Variants in DPP10 observed in about 807,000 individuals in gnomAD.
DPP10 encodes the protein dipeptidyl peptidase like 10, also known as inactive dipeptidyl peptidase 10.
A neutral mutation model predicts 120.9 loss-of-function variants in DPP10; 33 were observed. That is an observed-to-expected ratio of 0.27 (90% CI 0.21 to 0.37). DPP10 has a LOEUF of 0.37. Ranked by LOEUF, DPP10 falls within the 10% of genes least tolerant of loss-of-function variation. The pLI, the probability that DPP10 is intolerant of heterozygous loss-of-function variation, is 1.00. For missense variants in DPP10, 816 were observed against 942.8 expected, an observed-to-expected ratio of 0.87 and a Z score of 1.76; for synonymous variants, 337 against 326.1, an observed-to-expected ratio of 1.03 and a Z score of -0.36.
At chr2:115,443,884 A>G (rs2072314973) in intron 3 of DPP10, among the ~76,000 whole-genome samples, 1 of 152,190 alleles carries the variant, frequency 6.6e-6, no homozygotes, top group African/African-American at 2.4e-5. Flanking sequence ...TGTTTCGTGC[A>G]TTGCAGTTTG....
chr2:114,704,527 TATCTC>T (rs1171227012), intron 1 of DPP10, among the ~76,000 whole-genome samples: 1 of 152,212 alleles, frequency 6.6e-6, no homozygotes, highest in Non-Finnish European at 1.5e-5. Flanking sequence ...AGTTAATAGT[TATCTC>T]AAAAGAGGAT....
intron 3 of DPP10, among the ~76,000 whole-genome samples, chr2:115,375,289 C>T (rs780399491): frequency 6.6e-6 from 1 of 152,160 alleles, no homozygotes; most frequent in Non-Finnish European, 1.5e-5. Context: ...TCACAGATCC[C>T]TAGAGCATAG....
At chr2:115,816,968 G>T (rs1575874085) in intron 21 of DPP10, among the ~76,000 whole-genome samples, 1 of 146,994 alleles carries the variant, frequency 6.8e-6, no homozygotes. Flanking sequence ...AGGTAAAAAG[G>T]CCAGGCGCGG....
chr2:115,155,933 T>C (rs909085537), intron 1 of DPP10, among the ~76,000 whole-genome samples: 1 of 152,184 alleles, frequency 6.6e-6, no homozygotes, highest in Admixed American at 6.5e-5. Flanking sequence ...CTTCCTCTTC[T>C]TTCTCTTTCT....
At chr2:115,628,698 G>C (rs2085574630) in intron 5 of DPP10, among the ~76,000 whole-genome samples, 1 of 151,994 alleles carries the variant, frequency 6.6e-6, no homozygotes, top group Non-Finnish European at 1.5e-5. Context: ...TTTTGTATAA[G>C]GTGTAAGGAG....
chr2:115,437,877 T>A (rs72840798), intron 3 of DPP10, among the ~76,000 whole-genome samples: 1 of 152,236 alleles, frequency 6.6e-6, no homozygotes, highest in Non-Finnish European at 1.5e-5. Context: ...ATTCAAACAA[T>A]ATAATTTCTT....
At chr2:115,367,503 A>G (rs890809662) in intron 3 of DPP10, among the ~76,000 whole-genome samples, 12 of 152,030 alleles carry the variant, frequency 7.9e-5, no homozygotes, top group East Asian at 1.9e-4. Flanking sequence ...CACAATTTTA[A>G]TATTAACTAT....
At chr2:115,280,247 TA>T (rs2060103360) in intron 1 of DPP10, among the ~76,000 whole-genome samples, 1 of 152,174 alleles carries the variant, frequency 6.6e-6, no homozygotes. Context: ...GACAAAGTCT[TA>T]AGATCTATGT....
intron 1 of DPP10, among the ~76,000 whole-genome samples, chr2:115,279,637 C>CTTTCTTTT: frequency 1.5e-5 from 1 of 66,502 alleles, no homozygotes; most frequent in Non-Finnish European, 3.3e-5. Context: ...TTCTTTCTTT[C>CTTTCTTTT]TTTCTTTTTT....
In DPP10 at chr2:114,929,778, A is replaced by G. The variant is rs1013170413; in HGVS notation, c.61-379461A>G. On this transcript the variant is annotated intron_variant, in intron 1 of 25. Transcript: ENST00000410059. ...ACGAAGATGATGGGATTAAGAGATTAAAGTAAAGACAGCCATAGGAAATTA... is the reference window on the plus strand; with the variant it reads ...ACGAAGATGATGGGATTAAGAGATTGAAGTAAAGACAGCCATAGGAAATTA... 3.3e-5 allele frequency among the ~76,000 whole-genome samples: 5 copies of G among 152,240 alleles called. No homozygotes were observed. In the South Asian group the frequency reaches 6.2e-4, roughly 19 times the overall value.
chr2:115,378,729 C>T (rs2066021735), intron 3 of DPP10, among the ~76,000 whole-genome samples: 1 of 152,114 alleles, frequency 6.6e-6, no homozygotes, highest in Non-Finnish European at 1.5e-5. Flanking sequence ...TACATCCCAT[C>T]AATCCCTAAT....
chr2:114,645,623 C>G (rs1254003859), intron 1 of DPP10, among the ~76,000 whole-genome samples: 1 of 152,112 alleles, frequency 6.6e-6, no homozygotes, highest in African/African-American at 2.4e-5. Flanking sequence ...GTGTAGTATC[C>G]TCACCTGTCT....
chr2:115,702,596 GTCT>G (rs1349751115), intron 7 of DPP10, among the ~76,000 whole-genome samples: 8 of 152,110 alleles, frequency 5.3e-5, no homozygotes, highest in Admixed American at 1.3e-4. Flanking sequence ...AAAGGAGCCA[GTCT>G]TCTTTCAGAA....
chr2:115,315,990 C>T (rs1236664968), intron 2 of DPP10, among the ~76,000 whole-genome samples: 1 of 152,030 alleles, frequency 6.6e-6, no homozygotes, highest in African/African-American at 2.4e-5. Flanking sequence ...ATGTGATTCC[C>T]TTAGTTACTC....
chr2:114,506,155 A>T (rs1683639586), intron 1 of DPP10, among the ~76,000 whole-genome samples: 1 of 152,196 alleles, frequency 6.6e-6, no homozygotes, highest in South Asian at 2.1e-4. Context: ...TGCCTTTTCC[A>T]AAACCACCCA....
rs188156464 is a variant in DPP10 at position 115,082,330 on chromosome 2, G to C, written c.61-226909G>C. 1.4e-3 allele frequency among the ~76,000 whole-genome samples: 220 copies of C among 152,198 alleles called. 1 individual carries two copies. The highest frequency in any genetic ancestry group is 0.014 in the Middle Eastern group (4 of 294). The stretch of plus-strand genomic sequence containing the variant: ...GCTTAAAGGAAGGTAGCCAGGCTTC[G>C]TGCTCTTTTAGCTCCAAACTGGTAC... On this transcript the variant is annotated intron_variant, in intron 1 of 25. Transcript: ENST00000410059.
At chr2:114,833,760 G>A (rs1404185628) in intron 1 of DPP10, 1 of 152,180 alleles carries the variant, frequency 6.6e-6, no homozygotes, top group Non-Finnish European at 1.5e-5. Flanking sequence ...CATAGAACAC[G>A]TTTAGCCCAA....
chr2:115,566,772 T>C (rs2081033551), intron 5 of DPP10, among the ~76,000 whole-genome samples: 1 of 152,200 alleles, frequency 6.6e-6, no homozygotes, highest in Non-Finnish European at 1.5e-5. Context: ...TAATGACGTG[T>C]ACATACATTT....
intron 1 of DPP10, among the ~76,000 whole-genome samples, chr2:115,278,629 A>G (rs561655505): frequency 6.6e-6 from 1 of 152,200 alleles, no homozygotes; most frequent in Non-Finnish European, 1.5e-5. Context: ...CAGAGATCAC[A>G]TGGGGAGAGA....
Sources: allele counts gnomAD v4.1 joint callset (sites outside exome capture counted in the v4.1 genomes callset), GRCh38; gene constraint gnomAD v4.1.1; transcripts MANE v1.5; gene names NCBI Gene and HGNC (gene_info 2026-07-23, HGNC 2026-07-21).